Variants in HSD17B12 observed in about 807,000 individuals in gnomAD.
HSD17B12 encodes very-long-chain 3-oxoacyl-CoA reductase.
In HSD17B12, 32 loss-of-function variants were observed where a neutral mutation model predicts 39.3. That is an observed-to-expected ratio of 0.81 (90% CI 0.61 to 1.09). HSD17B12 has a LOEUF of 1.09. Ranked by LOEUF, HSD17B12 falls within the 50% of genes least tolerant of loss-of-function variation. HSD17B12 has a pLI of 0.00. For missense variants in HSD17B12, 342 were observed against 382.9 expected (o/e 0.89, Z 0.89); for synonymous variants, 150 against 146.7 (o/e 1.02, Z -0.16).
intron 3 of HSD17B12, chr11:43,754,928 A>C: frequency 1.3e-6 from 1 of 758,226 alleles, no homozygotes. Context: ...ACTAACTTCT[A>C]CTCAATCAAC....
the HSD17B12 span, among the ~76,000 whole-genome samples, chr11:43,655,858 A>G: frequency 6.6e-6 from 1 of 152,100 alleles, no homozygotes; most frequent in Non-Finnish European, 1.5e-5. Context: ...ATATTGGTCT[A>G]AAATTCTCTT....
At chr11:43,843,847 T>TC (rs1354145068) in intron 9 of HSD17B12, among the ~76,000 whole-genome samples, 1 of 152,214 alleles carries the variant, frequency 6.6e-6, no homozygotes, top group African/African-American at 2.4e-5. Context: ...CTTCCCTGTC[T>TC]CCCCACTTCC....
intron 1 of HSD17B12, among the ~76,000 whole-genome samples, chr11:43,691,133 T>G (rs1212495987): frequency 6.6e-6 from 1 of 152,206 alleles, no homozygotes; most frequent in African/African-American, 2.4e-5. Flanking sequence ...GTCATCGTCT[T>G]GCTAGTCATG....
In HSD17B12 at chr11:43,750,891, T is replaced by C; in HGVS notation, c.161-20T>C. 6.3e-7 allele frequency: 1 copy of C among 1,584,264 alleles called. No individual in the cohort carries two copies. The highest frequency in any genetic ancestry group is 8.6e-7 in the Non-Finnish European group (1 of 1,157,994). ...CAATGTAATTCTTAGACTAAACTAT[T>C]GCTTTTTTCCCTTTCCCAGTTGTCA... On this transcript the variant is annotated intron_variant, in intron 1 of 10. Coordinates refer to ENST00000278353, the MANE Select transcript of HSD17B12 (RefSeq NM_016142.3).
At chr11:43,738,613 A>C (rs552132282) in intron 1 of HSD17B12, among the ~76,000 whole-genome samples, 1 of 152,330 alleles carries the variant, frequency 6.6e-6, no homozygotes, top group Admixed American at 6.5e-5. Flanking sequence ...AGCAGTGGGT[A>C]GGGTCATAAA....
At chr11:43,679,883 C>T (rs901098934), upstream of HSD17B12, among the ~76,000 whole-genome samples, 1 of 151,918 alleles carries the variant, frequency 6.6e-6, no homozygotes, top group African/African-American at 2.4e-5. Flanking sequence ...GTAACCCGGG[C>T]GAATGCCTGC....
At chr11:43,626,732 C>T in the HSD17B12 span, among the ~76,000 whole-genome samples, 2 of 151,800 alleles carry the variant, frequency 1.3e-5, no homozygotes, top group African/African-American at 4.8e-5. Flanking sequence ...AACTTTGATG[C>T]AAATTGTAAC....
chr11:43,828,433 G>T (rs994649033), intron 6 of HSD17B12, among the ~76,000 whole-genome samples: 2 of 151,940 alleles, frequency 1.3e-5, no homozygotes, highest in African/African-American at 4.8e-5. Context: ...GAGCCACCGC[G>T]CCCGGCCACT....
intron 1 of HSD17B12, among the ~76,000 whole-genome samples, chr11:43,695,586 A>T (rs189782059): frequency 2.0e-5 from 3 of 152,336 alleles, no homozygotes; most frequent in Admixed American, 2.0e-4. Context: ...CTCAAAAAAA[A>T]ATCTTTATTA....
chr11:43,844,780 T>TA (rs904056048), intron 9 of HSD17B12, among the ~76,000 whole-genome samples: 1 of 152,138 alleles, frequency 6.6e-6, no homozygotes, highest in Non-Finnish European at 1.5e-5. Flanking sequence ...CTTCTGTTTT[T>TA]AAAAAAATTA....
At chr11:43,574,138 C>T in the HSD17B12 span, among the ~76,000 whole-genome samples, 5 of 152,352 alleles carry the variant, frequency 3.3e-5, no homozygotes, top group African/African-American at 1.2e-4. Context: ...GTAGGCACAG[C>T]TAAAGCCACA....
intron 1 of HSD17B12, among the ~76,000 whole-genome samples, chr11:43,729,536 T>G (rs114927076): frequency 3.9e-5 from 6 of 152,170 alleles, no homozygotes; most frequent in African/African-American, 1.4e-4. Flanking sequence ...TTCTATGGTA[T>G]GTTTGTAGAA....
At chr11:43,743,994 G>C (rs1950391886) in intron 1 of HSD17B12, among the ~76,000 whole-genome samples, 1 of 152,114 alleles carries the variant, frequency 6.6e-6, no homozygotes. Context: ...GTGTGCAAAA[G>C]GGCAGTCGGA....
At chr11:43,721,250 G>A (rs1419205648) in intron 1 of HSD17B12, among the ~76,000 whole-genome samples, 1 of 151,986 alleles carries the variant, frequency 6.6e-6, no homozygotes, top group African/African-American at 2.4e-5. Context: ...TTTAGATAGG[G>A]TGGTCAGGAA....
intron 6 of HSD17B12, 44 bp downstream of exon 6, chr11:43,816,435 T>G: frequency 2.0e-6 from 3 of 1,480,922 alleles, no homozygotes; most frequent in Non-Finnish European, 2.7e-6. Context: ...TTTGGTTCCT[T>G]CTATTCAAAA....
At chr11:43,822,175 G>C (rs1284560743) in intron 6 of HSD17B12, among the ~76,000 whole-genome samples, 3 of 152,126 alleles carry the variant, frequency 2.0e-5, no homozygotes, top group African/African-American at 7.2e-5. Context: ...GAAGGAAATG[G>C]ATGGGTGTGC....
chr11:43,802,470 T>C (rs974707633), intron 4 of HSD17B12, among the ~76,000 whole-genome samples: 2 of 152,196 alleles, frequency 1.3e-5, no homozygotes, highest in Non-Finnish European at 2.9e-5. Context: ...CTAGCCACAC[T>C]TTCAGTGCTT....
chr11:43,713,539 T>A (rs1020750604), intron 1 of HSD17B12, among the ~76,000 whole-genome samples: 8 of 152,138 alleles, frequency 5.3e-5, no homozygotes, highest in African/African-American at 1.4e-4. Flanking sequence ...TGTTGGACAT[T>A]TGGCTTGGTT....
chr11:43,773,113 C>T (rs1565083383), intron 3 of HSD17B12, among the ~76,000 whole-genome samples: 1 of 151,946 alleles, frequency 6.6e-6, no homozygotes, highest in Non-Finnish European at 1.5e-5. Flanking sequence ...TGTCTCAAAA[C>T]AAAAAACTCC....
Sources: allele counts gnomAD v4.1 joint callset (sites outside exome capture counted in the v4.1 genomes callset), GRCh38; gene constraint gnomAD v4.1.1; transcripts MANE v1.5; gene names NCBI Gene and HGNC (gene_info 2026-07-23, HGNC 2026-07-21).